TTC29: variants seen among roughly 807,000 people sequenced by gnomAD.
The protein encoded by TTC29 is tetratricopeptide repeat protein 29.
TTC29 carries 49 observed loss-of-function variants against 58.1 expected under a neutral mutation model. The observed-to-expected ratio is 0.84, with a 90% confidence interval of 0.67 to 1.07. The LOEUF (loss-of-function observed/expected upper bound fraction) is 1.07, where lower values mean the gene tolerates loss of function less well. Among genes scored for constraint, TTC29 ranks in the 50% least tolerant of loss-of-function variants. The probability of loss-of-function intolerance (pLI) is 0.00; values close to 1 mark genes in which losing one functional copy is unlikely to be tolerated. For missense variants in TTC29, 582 were observed against 555.6 expected, an observed-to-expected ratio of 1.05 and a Z score of -0.48; for synonymous variants, 209 against 196.8, an observed-to-expected ratio of 1.06 and a Z score of -0.52.
intron 2 of TTC29, among the ~76,000 whole-genome samples, chr4:146,943,469 A>T (rs1460127639): frequency 1.3e-5 from 2 of 152,086 alleles, no homozygotes; most frequent in Non-Finnish European, 2.9e-5. Flanking sequence ...TCCCTCAATC[A>T]ATCTATGTTG....
chr4:146,812,951 G>A (rs961959730), intron 10 of TTC29: 1 of 152,134 alleles, frequency 6.6e-6, no homozygotes, highest in African/African-American at 2.4e-5. Flanking sequence ...ATATGAGTTT[G>A]ACAATATGCA....
At position 146,789,174 on chromosome 4, in the gene TTC29, A is replaced by G. The variant is rs2713877; in HGVS notation, c.1330+14283T>C. On this transcript the variant is annotated intron_variant, in intron 11 of 12. Coordinates refer to ENST00000325106, the MANE Select transcript of TTC29 (RefSeq NM_031956.4). ...TGTATACAACTGGATGAGTTTAGGG[A>G]TAAGGAAATGTTATCTTAAGACTCA... Among the ~76,000 whole-genome samples the G allele has an allele frequency of 2.5e-3, 378 of 152,292 alleles. 3 individuals are homozygous for G. The highest frequency in any genetic ancestry group is 0.015 in the East Asian group (77 of 5,184).
intron 10 of TTC29, 38 bp downstream of exon 10, chr4:146,820,087 C>T (rs777037871): frequency 2.1e-5 from 33 of 1,606,786 alleles, no homozygotes; most frequent in Middle Eastern, 1.6e-4. Flanking sequence ...CCCTAAACAC[C>T]GCAAATTTCT....
intron 8 of TTC29, among the ~76,000 whole-genome samples, chr4:146,866,255 C>A (rs922886265): frequency 3.9e-5 from 6 of 152,136 alleles, no homozygotes; most frequent in Non-Finnish European, 8.8e-5. Flanking sequence ...ACCTAATTTT[C>A]CAATTTGACC....
chr4:146,935,577 G>A (rs1004156802), intron 4 of TTC29, among the ~76,000 whole-genome samples: 11 of 152,038 alleles, frequency 7.2e-5, no homozygotes, highest in Admixed American at 1.3e-4. Context: ...CTATCCTATC[G>A]TCTTAGTCTT....
intron 11 of TTC29, among the ~76,000 whole-genome samples, chr4:146,773,798 T>A (rs989165053): frequency 4.6e-5 from 7 of 151,452 alleles, no homozygotes; most frequent in Middle Eastern, 3.4e-3. Flanking sequence ...TTTTTTTTTT[T>A]AATACTTTCA....
At chr4:146,796,966 C>T (rs958081077) in intron 11 of TTC29, among the ~76,000 whole-genome samples, 2 of 151,994 alleles carry the variant, frequency 1.3e-5, no homozygotes, top group African/African-American at 4.8e-5. Flanking sequence ...AATATATCAC[C>T]CACCCTTAGC....
At chr4:146,802,008 A>AAAAAG (rs1561138307) in intron 11 of TTC29, among the ~76,000 whole-genome samples, 1 of 143,268 alleles carries the variant, frequency 7.0e-6, no homozygotes, top group Admixed American at 7.0e-5. Flanking sequence ...AAAAAAAAAA[A>AAAAAG]AGAGACTTTT....
intron 4 of TTC29, among the ~76,000 whole-genome samples, chr4:146,923,595 C>T (rs1734739689): frequency 6.6e-6 from 1 of 151,814 alleles, no homozygotes; most frequent in Non-Finnish European, 1.5e-5. Context: ...TTAGAATAGT[C>T]TTCACTGAAG....
rs192831503 is a variant in TTC29, at chr4:146,776,991, C to T, written c.1330+26466G>A. Among the ~76,000 whole-genome samples, 686 of 152,094 alleles carry T rather than the reference C, an allele frequency of 4.5e-3. 9 individuals carry two copies. Among genetic ancestry groups the T allele is most frequent in the African/African-American group, 0.016 (657 of 41,482 alleles). ...GGCCACTGGTATCAGTGCATGCGTT[C>T]ACACTGGCGGTGGTGGTGGCGGTGG... On this transcript the variant is annotated intron_variant, in intron 11 of 12. Coordinates refer to ENST00000325106, the MANE Select transcript of TTC29 (RefSeq NM_031956.4).
chr4:146,910,087 T>G (rs1733796237), intron 4 of TTC29, among the ~76,000 whole-genome samples: 1 of 152,038 alleles, frequency 6.6e-6, no homozygotes, highest in South Asian at 2.1e-4. Flanking sequence ...AGATATAGCT[T>G]TATACTAATT....
intron 4 of TTC29, among the ~76,000 whole-genome samples, chr4:146,929,407 C>T (rs73852793): frequency 0.015 from 2,237 of 151,712 alleles, 49 homozygotes; most frequent in African/African-American, 0.051. Flanking sequence ...TTTTATCTTC[C>T]CCATGTCAGC....
chr4:146,760,835 G>C (rs999512873), intron 11 of TTC29, among the ~76,000 whole-genome samples: 1 of 143,042 alleles, frequency 7.0e-6, no homozygotes, highest in African/African-American at 2.6e-5. Flanking sequence ...ATATATATAT[G>C]ATGGAATACT....
At chr4:146,722,550 T>C (rs1743447246) in intron 11 of TTC29, among the ~76,000 whole-genome samples, 1 of 151,350 alleles carries the variant, frequency 6.6e-6, no homozygotes, top group African/African-American at 2.4e-5. Flanking sequence ...TTTGACAAAG[T>C]CAACAAAAAT....
intron 11 of TTC29, among the ~76,000 whole-genome samples, chr4:146,713,111 C>CGTGTGTGTGTGT (rs10678715): frequency 0.042 from 5,925 of 139,534 alleles, 313 homozygotes; most frequent in East Asian, 0.15. Context: ...GAGAATTGAT[C>CGTGTGTGTGTGT]GTGTGTGTGT....
chr4:146,889,677 A>G (rs1233114003), intron 6 of TTC29, among the ~76,000 whole-genome samples: 1 of 152,206 alleles, frequency 6.6e-6, no homozygotes, highest in Non-Finnish European at 1.5e-5. Context: ...TCCATGACAA[A>G]TAAGAAATTA....
intron 10 of TTC29, among the ~76,000 whole-genome samples, chr4:146,806,771 TC>T (rs923397534): frequency 1.3e-5 from 2 of 152,008 alleles, no homozygotes; most frequent in Admixed American, 1.3e-4. Flanking sequence ...AGACTTAGAC[TC>T]CCACATAATA....
chr4:146,938,880 T>G (rs1410498625), intron 3 of TTC29, among the ~76,000 whole-genome samples: 1 of 152,226 alleles, frequency 6.6e-6, no homozygotes, highest in Non-Finnish European at 1.5e-5. Flanking sequence ...TGTATGTTAC[T>G]AAAAGTCAAT....
chr4:146,785,408 G>T (rs1474665187), intron 11 of TTC29, among the ~76,000 whole-genome samples: 1 of 152,164 alleles, frequency 6.6e-6, no homozygotes, highest in South Asian at 2.1e-4. Flanking sequence ...TGTTTGGCTT[G>T]TTGAAGTCAT....
Sources: allele counts gnomAD v4.1 joint callset (sites outside exome capture counted in the v4.1 genomes callset), GRCh38; gene constraint gnomAD v4.1.1; transcripts MANE v1.5; gene names NCBI Gene and HGNC (gene_info 2026-07-23, HGNC 2026-07-21).